The following TMEM145 variants were observed in gnomAD, a reference collection of about 807,000 sequenced individuals.
TMEM145 encodes the protein transmembrane protein 145.
TMEM145 carries 46 observed loss-of-function variants against 68.5 expected under a neutral mutation model. That is an observed-to-expected ratio of 0.67 (90% confidence interval 0.53 to 0.86). The LOEUF is 0.86. Ranked by LOEUF, TMEM145 falls within the 40% of genes least tolerant of loss-of-function variation. TMEM145 has a pLI of 0.00. For synonymous variants in TMEM145, 255 were observed against 280.2 expected, an observed-to-expected ratio of 0.91 and a Z score of 0.90; for missense variants, 570 against 645.8, an observed-to-expected ratio of 0.88 and a Z score of 1.27.
rs768876263 is a variant in TMEM145 at position 42,316,837 on chromosome 19, A to C, written c.807-33A>C. The C allele has an allele frequency of 9.9e-6, 16 of 1,611,680 alleles. No homozygotes were observed. The Admixed American group carries it at 1.8e-4, about 18-fold the overall frequency. ...TGCATCCTCCTCCCTGACGGCCCCC[A>C]CCCTGCTGTCTCCCCTCATGGCCTG... On this transcript the variant is annotated intron_variant, in intron 10 of 14. Transcript: ENST00000301204.
chr19:42,324,622 G>T, intron 14 of TMEM145, 115 bp from the exon 15 acceptor site: 2 of 1,076,966 alleles, frequency 1.9e-6, no homozygotes, highest in Non-Finnish European at 1.1e-6. Flanking sequence ...GCCCATCCCC[G>T]GCCTTCCCGA....
chr19:42,321,288 G>A (rs1379748053), intron 13 of TMEM145: 5 of 391,414 alleles, frequency 1.3e-5, no homozygotes, highest in East Asian at 3.6e-5. Context: ...GCAGTGGCGC[G>A]ATCTTGGCTC....
chr19:42,313,478 C>T lies in TMEM145; in HGVS notation c.102C>T (p.Gly34=). 3 of 1,336,990 alleles carry T rather than the reference C, an allele frequency of 2.2e-6. No individual in the cohort carries two copies. Among genetic ancestry groups the T allele is most frequent in the Non-Finnish European group, 2.9e-6 (3 of 1,040,832 alleles). The allele number at this position is 1,336,990 out of a possible 1,614,324, so 82.8% of individuals were successfully genotyped here. A position where few individuals can be genotyped will look rare whatever the true frequency, so the allele number is the denominator to read the frequency against. Residue 34 remains glycine (G), a synonymous_variant, in exon 1 of 15, where the codon GGC becomes GGT. Transcript: ENST00000301204. This position sits in a 1 kb window ranked among gnomAD's most constrained non-coding sequence, Gnocchi z 5.1. ...GCGCCCGGGCCAAGTACGTGCGGGGCAACCTCAGTTCCAAGGAGGTGAGCA... is the reference window on the plus strand; with the variant it reads ...GCGCCCGGGCCAAGTACGTGCGGGGTAACCTCAGTTCCAAGGAGGTGAGCA... ...PPRARAKYVR[G]NLSSKEDWVF... is the part of the protein sequence containing the mutation.
At position 42,320,423 on chromosome 19, in the gene TMEM145, C is replaced by CA. The variant is rs751288935; in HGVS notation, c.1181dup (p.His394GlnfsTer41). ...CCAGCTGGGGATCCACTTGTACGCCCATGGCGTGTTTCTGGTGAGGATGGG... is the reference window on the plus strand; with the variant it reads ...CCAGCTGGGGATCCACTTGTACGCCCAATGGCGTGTTTCTGGTGAGGATGGG... On this transcript the variant is annotated frameshift_variant, in exon 13 of 15. Transcript: ENST00000301204. LOFTEE classifies it high-confidence loss of function. 4.3e-6 allele frequency: 7 copies of CA among 1,613,882 alleles called. No individual in the cohort carries two copies. The highest frequency in any genetic ancestry group is 5.9e-6 in the Non-Finnish European group (7 of 1,180,038).
chr19:42,321,378 G>T, intron 13 of TMEM145: 5 of 318,056 alleles, frequency 1.6e-5, no homozygotes, highest in Non-Finnish European at 1.7e-5. Flanking sequence ...ACCATGCCCG[G>T]TTAAGTGGTT....
intron 13 of TMEM145, among the ~76,000 whole-genome samples, chr19:42,322,126 C>T (rs539603674): frequency 6.6e-5 from 10 of 152,168 alleles, no homozygotes; most frequent in South Asian, 4.1e-4. Flanking sequence ...GCCCAGCCAC[C>T]GAGGGAGGGG....
rs2038826100 is a variant in TMEM145, at chr19:42,313,735, G to C, written c.120+239G>C. Among the ~76,000 whole-genome samples the C allele has an allele frequency of 6.6e-6, 1 of 152,142 alleles. No homozygotes were observed. The highest frequency in any genetic ancestry group is 2.4e-5 in the African/African-American group (1 of 41,444). ...GTTGAGGTCAGAGCTGAGCGGGGAG[G>C]GGGAGCGGGTTGGGAGAGTCAGAGT... On this transcript the variant is annotated intron_variant, in intron 1 of 14. Transcript: ENST00000301204. The surrounding 1 kb of genome is among the most constrained non-coding windows in gnomAD (Gnocchi z 5.1).
chr19:42,317,082 C>T (rs960705087), intron 11 of TMEM145, 119 bp downstream of exon 11: 15 of 815,396 alleles, frequency 1.8e-5, no homozygotes, highest in Admixed American at 1.0e-4. Flanking sequence ...CTCTCTCTCC[C>T]ACTCTTCGAT....
At chr19:42,317,906 G>A in intron 12 of TMEM145, 25 bp downstream of exon 12, 1 of 1,612,622 alleles carries the variant, frequency 6.2e-7, no homozygotes, top group Non-Finnish European at 8.5e-7. Flanking sequence ...GCCCCAGCCT[G>A]TCCCTGCCTC....
chr19:42,315,094 C>G lies in TMEM145; in HGVS notation c.505+17C>G. On this transcript the variant is annotated intron_variant, in intron 6 of 14. Transcript: ENST00000301204. ...ATGAGTTTGGTGAGCACGTGGGGAC[C>G]TAGAAACCAGGCTCTCTGTGGGACA... 1 of 1,614,178 alleles carries G rather than the reference C, an allele frequency of 6.2e-7. No individual in the cohort carries two copies. Among genetic ancestry groups the G allele is most frequent in the Non-Finnish European group, 8.5e-7 (1 of 1,180,026 alleles).
chr19:42,314,366 C>A lies in TMEM145; in HGVS notation c.195+20C>A. The stretch of plus-strand genomic sequence containing the variant: ...CCTGAGGTGAGTCTCCCCCAACACT[C>A]GCCATGCTGAGGCTGGGTACTTCCC... On this transcript the variant is annotated intron_variant, in intron 2 of 14. Transcript: ENST00000301204. 1 of 1,614,108 alleles carries A rather than the reference C, an allele frequency of 6.2e-7. No homozygotes were observed. Among genetic ancestry groups the A allele is most frequent in the Non-Finnish European group, 8.5e-7 (1 of 1,179,992 alleles).
At chr19:42,324,381 C>G (rs1268448011) in intron 14 of TMEM145, 3 of 985,262 alleles carry the variant, frequency 3.0e-6, no homozygotes, top group Non-Finnish European at 1.2e-6. Flanking sequence ...CCACTTCCCG[C>G]TCGGTTCCCC....
intron 12 of TMEM145, 23 bp from the exon 13 acceptor site, chr19:42,320,294 C>T (rs1427856669): frequency 6.2e-7 from 1 of 1,613,256 alleles, no homozygotes; most frequent in Admixed American, 1.7e-5. Flanking sequence ...AGTGTCTCTA[C>T]TGACCCAATA....
chr19:42,315,314 G>GA, intron 7 of TMEM145, 55 bp downstream of exon 7: 2 of 1,614,086 alleles, frequency 1.2e-6, no homozygotes, highest in Admixed American at 1.7e-5. Context: ...AGGGTTGGGG[G>GA]AGGTGAGCTG....
Position 42,313,623 on chromosome 19 carries a change from G to A in TMEM145, c.120+127G>A. On this transcript the variant is annotated intron_variant, in intron 1 of 14. Coordinates refer to ENST00000301204, the MANE Select transcript of TMEM145 (RefSeq NM_173633.3). The surrounding 1 kb of genome is among the most constrained non-coding windows in gnomAD (Gnocchi z 5.1). ...GGACTCCGGGAGCCTCGGGGGAGTGGGGCCGAGGGCGATGGGGGACTGGGC... is the reference window on the plus strand; with the variant it reads ...GGACTCCGGGAGCCTCGGGGGAGTGAGGCCGAGGGCGATGGGGGACTGGGC... 1 of 695,724 alleles carries A rather than the reference G, an allele frequency of 1.4e-6. No homozygotes were observed. The highest frequency in any genetic ancestry group is 2.0e-6 in the Non-Finnish European group (1 of 496,196). 43.1% of individuals were successfully genotyped at this position (695,724 alleles called of 1,614,324 possible).
chr19:42,324,132 C>T, intron 14 of TMEM145: 1 of 555,170 alleles, frequency 1.8e-6, no homozygotes, highest in Non-Finnish European at 2.3e-6. Flanking sequence ...GCTGCCCAGG[C>T]GCCCCGCCAC....
intron 4 of TMEM145, 33 bp downstream of exon 4, chr19:42,314,732 C>G: frequency 6.2e-7 from 1 of 1,614,110 alleles, no homozygotes; most frequent in Non-Finnish European, 8.5e-7. Flanking sequence ...TGGGCAGGTG[C>G]TGAAGGATGA....
At position 42,316,655 on chromosome 19, in the gene TMEM145, C is replaced by CT. The variant is rs1184645083; in HGVS notation, c.728-6dup. ...GCTCTGAGCCGCCCCCTCCTCCCTT[C>CT]TCCCAGCCAAGCTGCTCTTCTCCTC... On this transcript the variant is annotated splice_polypyrimidine_tract_variant and splice_region_variant and intron_variant, in intron 9 of 14. Transcript: ENST00000301204. 5.6e-6 allele frequency: 9 copies of CT among 1,613,864 alleles called. No homozygotes were observed. The highest frequency in any genetic ancestry group is 7.6e-6 in the Non-Finnish European group (9 of 1,179,998).
chr19:42,323,845 T>TGACCCCGCTCCC, intron 14 of TMEM145, 56 bp downstream of exon 14: 2 of 1,522,986 alleles, frequency 1.3e-6, no homozygotes, highest in Non-Finnish European at 1.8e-6. Flanking sequence ...CTGGAGTACC[T>TGACCCCGCTCCC]GACCCCGCTC....
Sources: allele counts gnomAD v4.1 joint callset (sites outside exome capture counted in the v4.1 genomes callset), GRCh38; gene constraint gnomAD v4.1.1; non-coding constraint Gnocchi (gnomAD v3.1); transcripts MANE v1.5; gene names NCBI Gene and HGNC (gene_info 2026-07-23, HGNC 2026-07-21).